Variants in STXBP2 observed in about 807,000 individuals in gnomAD.
STXBP2 encodes the protein syntaxin-binding protein 2.
A neutral mutation model predicts 72.2 loss-of-function variants in STXBP2; 47 were observed. That is an observed-to-expected ratio of 0.65 (90% CI 0.51 to 0.83). The LOEUF (loss-of-function observed/expected upper bound fraction) is 0.83. Among genes scored for constraint, STXBP2 ranks in the 40% least tolerant of loss-of-function variants. The pLI, the probability that STXBP2 is intolerant of heterozygous loss-of-function variation, is 0.00. For synonymous variants in STXBP2, 367 were observed against 338.7 expected, an observed-to-expected ratio of 1.08 and a Z score of -0.92; for missense variants, 702 against 807.6, an observed-to-expected ratio of 0.87 and a Z score of 1.58.
Position 7,643,160 on chromosome 19 carries a change from T to A in STXBP2, c.1027-5T>A. ...ATCCCCCAACCCCCACCCTGCACCC[T>A]GCAGTATTCTACGCACCTGCATCTA... On this transcript the variant is annotated splice_polypyrimidine_tract_variant and splice_region_variant and intron_variant, in intron 12 of 18. Coordinates refer to ENST00000221283, the MANE Select transcript of STXBP2 (RefSeq NM_006949.4). The A allele has an allele frequency of 6.2e-7, 1 of 1,614,142 alleles. No individual in the cohort carries two copies. Among genetic ancestry groups the A allele is most frequent in the Non-Finnish European group, 8.5e-7 (1 of 1,180,012 alleles).
chr19:7,632,592 C>T, upstream of STXBP2: 1 of 1,595,852 alleles, frequency 6.3e-7, no homozygotes, highest in South Asian at 1.1e-5. This position sits in a 1 kb window ranked among gnomAD's most constrained non-coding sequence, Gnocchi z 5.2. Flanking sequence ...CACCCCCACA[C>T]AGATGCTTCA....
At chr19:7,641,886 G>A (rs113363538) in intron 7 of STXBP2, 33 bp downstream of exon 7, 9,952 of 808,388 alleles carry the variant, frequency 0.012, 43 homozygotes, top group Non-Finnish European at 0.014. Context: ...CCCCGATGCC[G>A]ACCCCCCCTT....
the STXBP2 span, chr19:7,630,655 G>T: frequency 6.5e-7 from 1 of 1,536,920 alleles, no homozygotes; most frequent in South Asian, 1.2e-5. Context: ...GTCATACAGC[G>T]CAAGGTGGGC....
intron 14 of STXBP2, 197 bp from the exon 15 acceptor site, chr19:7,645,000 A>G: frequency 1.4e-6 from 2 of 1,448,448 alleles, no homozygotes; most frequent in African/African-American, 1.4e-5. Flanking sequence ...GGGCTCCCTC[A>G]GCTCATCTGG....
At chr19:7,637,655 C>T (rs1297331917) in intron 1 of STXBP2, among the ~76,000 whole-genome samples, 1 of 152,164 alleles carries the variant, frequency 6.6e-6, no homozygotes, top group East Asian at 1.9e-4. Flanking sequence ...TTCCTCCTTG[C>T]CCCATTTCCA....
chr19:7,633,446 C>G, upstream of STXBP2: 1 of 1,577,420 alleles, frequency 6.3e-7, no homozygotes, highest in Non-Finnish European at 8.6e-7. Flanking sequence ...TCTTCTCCTC[C>G]TGATCCATCA....
chr19:7,637,404 C>CG (rs1230889531), intron 1 of STXBP2, among the ~76,000 whole-genome samples: 3 of 152,056 alleles, frequency 2.0e-5, no homozygotes, highest in Non-Finnish European at 4.4e-5. Flanking sequence ...GGCCGGACTC[C>CG]GGGGACCCAA....
intron 6 of STXBP2, 97 bp downstream of exon 6, chr19:7,641,100 C>T (rs1341033586): frequency 1.5e-6 from 2 of 1,295,278 alleles, no homozygotes; most frequent in Non-Finnish European, 2.2e-6. Context: ...CGCAGTGGCT[C>T]ATACCTGTAA....
At chr19:7,640,872 C>G (rs2031842789) in intron 5 of STXBP2, 28 bp from the exon 6 acceptor site, 4 of 1,613,374 alleles carry the variant, frequency 2.5e-6, no homozygotes, top group Non-Finnish European at 2.5e-6. Context: ...CTGCTCTGGC[C>G]TGATGCCCCA....
chr19:7,642,952 A>T lies in STXBP2; in HGVS notation c.961-31A>T. The T allele has an allele frequency of 6.2e-7, 1 of 1,613,820 alleles. No homozygotes were observed. ...TGGGCACTGCCTGGCTTCGCCCCCCAATCCCTACCCTCTTCCCCCTACTTC... is the reference window on the plus strand; with the variant it reads ...TGGGCACTGCCTGGCTTCGCCCCCCTATCCCTACCCTCTTCCCCCTACTTC... On this transcript the variant is annotated intron_variant, in intron 11 of 18. Transcript: ENST00000221283. This position sits in a 1 kb window ranked among gnomAD's most constrained non-coding sequence, Gnocchi z 6.0.
chr19:7,645,881 T>C (rs543667194), intron 15 of STXBP2: 10 of 396,088 alleles, frequency 2.5e-5, no homozygotes, highest in Non-Finnish European at 4.1e-5. Context: ...TTCTCTGTCT[T>C]GCTCCCCTCC....
At chr19:7,635,320 A>G (rs1472236301), upstream of STXBP2, among the ~76,000 whole-genome samples, 1 of 152,216 alleles carries the variant, frequency 6.6e-6, no homozygotes, top group Non-Finnish European at 1.5e-5. Context: ...CAACTCCAAA[A>G]ATACTGAAAG....
At chr19:7,632,301 C>A, upstream of STXBP2, 1 of 1,555,046 alleles carries the variant, frequency 6.4e-7, no homozygotes, top group Non-Finnish European at 8.7e-7. This position sits in a 1 kb window ranked among gnomAD's most constrained non-coding sequence, Gnocchi z 5.2. Context: ...AGAGATGGGG[C>A]AGGCCCTGTT....
At chr19:7,632,495 C>T (rs777744065), upstream of STXBP2, 6 of 1,613,606 alleles carry the variant, frequency 3.7e-6, no homozygotes, top group Non-Finnish European at 4.2e-6. This position sits in a 1 kb window ranked among gnomAD's most constrained non-coding sequence, Gnocchi z 5.2. Context: ...TGAGGCTGTC[C>T]ATCTCGGGGG....
upstream of STXBP2, chr19:7,633,162 G>A (rs1296127710): frequency 3.0e-6 from 1 of 328,466 alleles, no homozygotes; most frequent in African/African-American, 2.2e-5. Flanking sequence ...AGGGAAACAT[G>A]GCCCAGGAGC....
chr19:7,644,910 T>C, intron 14 of STXBP2, 158 bp downstream of exon 14: 4 of 1,476,134 alleles, frequency 2.7e-6, no homozygotes, highest in Middle Eastern at 2.1e-4. Context: ...CCCTCCTCCA[T>C]TGGCTTGGGG....
chr19:7,635,991 C>A (rs114177701), upstream of STXBP2, among the ~76,000 whole-genome samples: 1 of 152,272 alleles, frequency 6.6e-6, no homozygotes, highest in South Asian at 2.1e-4. Context: ...TTCTAGAATC[C>A]ATTTAGGGAT....
chr19:7,644,946 C>T, intron 14 of STXBP2, 194 bp downstream of exon 14: 3 of 1,450,614 alleles, frequency 2.1e-6, no homozygotes, highest in Non-Finnish European at 2.7e-6. Flanking sequence ...TGAGGGCTCC[C>T]TGCTAACGTA....
chr19:7,639,566 C>T, intron 3 of STXBP2, 165 bp from the exon 4 acceptor site: 1 of 698,222 alleles, frequency 1.4e-6, no homozygotes, highest in Admixed American at 2.1e-5. Context: ...CCTGCAGAAC[C>T]CTGTCGTGTG....
Sources: gnomAD v4.1 joint callset for allele counts (sites outside exome capture counted in the v4.1 genomes callset) on GRCh38, gnomAD v4.1.1 for gene constraint, Gnocchi (gnomAD v3.1) non-coding constraint, MANE v1.5 for transcripts, NCBI Gene and HGNC (gene_info 2026-07-23, HGNC 2026-07-21) for gene names.